Variants in QKI observed in about 807,000 individuals in gnomAD.
QKI encodes KH domain-containing RNA-binding protein QKI.
Under a neutral mutation model 39.0 loss-of-function variants are expected in QKI, and 10 were observed. The observed-to-expected ratio is 0.26, with a 90% CI of 0.16 to 0.43. The LOEUF is 0.43. Among genes scored for constraint, QKI ranks in the 20% least tolerant of loss-of-function variants. The pLI is 1.00. For missense variants in QKI, 218 were observed against 428.0 expected (o/e 0.51, Z 4.33); for synonymous variants, 204 against 155.4 (o/e 1.31, Z -2.33).
Position 163,415,341 on chromosome 6 carries a change from C to A in QKI, c.142+6C>A, listed in dbSNP as rs746352453. On this transcript the variant is annotated splice_donor_region_variant and intron_variant, in intron 1 of 7. Coordinates refer to ENST00000361752, the MANE Select transcript of QKI (RefSeq NM_006775.3). ...CGAGCGGCTGCTGGACGAAGGTGAGCGTCTCCAGGGCCCCGGCCCCGGCCC... is the reference window on the plus strand; with the variant it reads ...CGAGCGGCTGCTGGACGAAGGTGAGAGTCTCCAGGGCCCCGGCCCCGGCCC... The A allele has an allele frequency of 1.3e-6, 2 of 1,563,324 alleles. No individual in the cohort carries two copies. Among genetic ancestry groups the A allele is most frequent in the African/African-American group, 1.4e-5 (1 of 73,006 alleles).
At chr6:163,434,572 G>C (rs376720491) in intron 1 of QKI, among the ~76,000 whole-genome samples, 1 of 151,872 alleles carries the variant, frequency 6.6e-6, no homozygotes, top group African/African-American at 2.4e-5. Flanking sequence ...AAAATTAGCC[G>C]GGCGTGGTGG....
chr6:163,415,808 C>G, intron 1 of QKI: 1 of 442,892 alleles, frequency 2.3e-6, no homozygotes, highest in Non-Finnish European at 4.5e-6. Flanking sequence ...CCCCACCGCC[C>G]CGCGTTCGGG....
At chr6:163,545,581 T>C (rs1562530194) in intron 4 of QKI, among the ~76,000 whole-genome samples, 1 of 152,118 alleles carries the variant, frequency 6.6e-6, no homozygotes, top group Non-Finnish European at 1.5e-5. Flanking sequence ...GGATGTTTAG[T>C]TTGATCAGGC....
intron 3 of QKI, among the ~76,000 whole-genome samples, chr6:163,510,493 G>A (rs536867953): frequency 3.4e-4 from 51 of 151,848 alleles, no homozygotes; most frequent in African/African-American, 1.1e-3. Flanking sequence ...CTCGGGAGGT[G>A]TGGGTTGCAG....
chr6:163,424,258 A>G (rs149633338), intron 1 of QKI, among the ~76,000 whole-genome samples: 13 of 152,280 alleles, frequency 8.5e-5, no homozygotes, highest in African/African-American at 2.2e-4. Flanking sequence ...CTAATTGTCT[A>G]TTGTCGCTGA....
intron 3 of QKI, among the ~76,000 whole-genome samples, chr6:163,515,547 T>A (rs956554326): frequency 7.2e-5 from 11 of 152,160 alleles, no homozygotes; most frequent in African/African-American, 2.7e-4. Context: ...GTCAAAATGA[T>A]GAAATTTGAT....
chr6:163,517,677 T>G (rs1779917464), intron 3 of QKI, among the ~76,000 whole-genome samples: 1 of 152,174 alleles, frequency 6.6e-6, no homozygotes, highest in Non-Finnish European at 1.5e-5. Flanking sequence ...TGAAAAAATA[T>G]ACTTTATAGA....
At chr6:163,512,973 T>C (rs867664769) in intron 3 of QKI, among the ~76,000 whole-genome samples, 2 of 152,200 alleles carry the variant, frequency 1.3e-5, no homozygotes, top group Non-Finnish European at 1.5e-5. Context: ...TCCACAGTTT[T>C]GCTTTTCATG....
At chr6:163,421,967 ACTCTTGACCCCATGATCTGACCGCCTCGG>A (rs1263463208) in intron 1 of QKI, among the ~76,000 whole-genome samples, 67 of 148,660 alleles carry the variant, frequency 4.5e-4, no homozygotes, top group Admixed American at 1.5e-3. Flanking sequence ...CTGATCTTGA[ACTCTTGACCCCATGATCTGACCGCCTCGG>A]CTCTTGACCC....
At chr6:163,558,928 G>T (rs1782818944) in intron 4 of QKI, among the ~76,000 whole-genome samples, 1 of 152,132 alleles carries the variant, frequency 6.6e-6, no homozygotes, top group Non-Finnish European at 1.5e-5. Flanking sequence ...ACACCATATG[G>T]CAGACTACAC....
At chr6:163,535,656 T>C (rs1474655365) in intron 4 of QKI, among the ~76,000 whole-genome samples, 1 of 151,930 alleles carries the variant, frequency 6.6e-6, no homozygotes, top group Non-Finnish European at 1.5e-5. Context: ...TAGGGCTGGG[T>C]GCGGTGGCTC....
chr6:163,506,622 G>A lies in QKI; in HGVS notation c.402+27726G>A, dbSNP rs976764417. Among the ~76,000 whole-genome samples the A allele has an allele frequency of 2.6e-5, 4 of 152,168 alleles. No homozygotes were observed. In the South Asian group the frequency reaches 8.3e-4, roughly 32 times the overall value. ...CCTACTCCTTTGATCCTATAACTTAGCCACATCATTACTTAAGCACTTAGT... is the reference window on the plus strand; with the variant it reads ...CCTACTCCTTTGATCCTATAACTTAACCACATCATTACTTAAGCACTTAGT... On this transcript the variant is annotated intron_variant, in intron 3 of 7. Transcript: ENST00000361752.
At chr6:163,501,998 T>C (rs1340316906) in intron 3 of QKI, among the ~76,000 whole-genome samples, 1 of 152,186 alleles carries the variant, frequency 6.6e-6, no homozygotes, top group African/African-American at 2.4e-5. Context: ...ATTTTATTTT[T>C]TGCTGCCTCA....
intron 1 of QKI, among the ~76,000 whole-genome samples, chr6:163,439,146 G>A (rs1266257986): frequency 6.6e-6 from 1 of 152,112 alleles, no homozygotes; most frequent in Non-Finnish European, 1.5e-5. Flanking sequence ...GGCAAGGGCT[G>A]TATGGCTTAC....
chr6:163,549,427 T>A (rs886758357), intron 4 of QKI, among the ~76,000 whole-genome samples: 6 of 152,088 alleles, frequency 3.9e-5, no homozygotes, highest in Admixed American at 3.9e-4. Flanking sequence ...CTGAAAACAC[T>A]GCGCTGGGCA....
At chr6:163,463,167 C>T (rs1223930157) in intron 2 of QKI, among the ~76,000 whole-genome samples, 2 of 152,026 alleles carry the variant, frequency 1.3e-5, no homozygotes, top group African/African-American at 4.8e-5. Context: ...GAAAGATTAA[C>T]AATAATGAGA....
intron 4 of QKI, 52 bp from the exon 5 acceptor site, chr6:163,561,930 A>G (rs1783047961): frequency 3.7e-6 from 5 of 1,357,266 alleles, no homozygotes; most frequent in Admixed American, 3.8e-5. Context: ...TATAGCTATT[A>G]TATTTGTGGA....
At chr6:163,553,625 A>T (rs1212934408) in intron 4 of QKI, among the ~76,000 whole-genome samples, 1 of 152,172 alleles carries the variant, frequency 6.6e-6, no homozygotes, top group Non-Finnish European at 1.5e-5. Context: ...TCAGAAGTTT[A>T]TCATGCCTGT....
intron 2 of QKI, among the ~76,000 whole-genome samples, chr6:163,461,878 T>C (rs968219410): frequency 6.6e-6 from 1 of 152,218 alleles, no homozygotes; most frequent in Non-Finnish European, 1.5e-5. Context: ...TCAAAGGTTA[T>C]ACTGCTTGAA....
Sources: gnomAD v4.1 joint callset for allele counts (sites outside exome capture counted in the v4.1 genomes callset) on GRCh38, gnomAD v4.1.1 for gene constraint, MANE v1.5 for transcripts, NCBI Gene and HGNC (gene_info 2026-07-23, HGNC 2026-07-21) for gene names.